Variants in ERC1 observed in about 807,000 individuals in gnomAD.
ERC1 encodes RAB6 interacting protein 2.
In ERC1, 56 loss-of-function variants were observed where a neutral mutation model predicts 132.0. That is an observed-to-expected ratio of 0.42 (90% CI 0.34 to 0.53). ERC1 has a LOEUF of 0.53. Among genes scored for constraint, ERC1 ranks in the 20% least tolerant of loss-of-function variants. The pLI, the probability that ERC1 is intolerant of heterozygous loss-of-function variation, is 0.03. For synonymous variants in ERC1, 478 were observed against 476.1 expected (o/e 1.00, Z -0.05); for missense variants, 1,202 against 1,349.9 (o/e 0.89, Z 1.72).
At chr12:1,310,239 A>G (rs60222319) in intron 15 of ERC1, among the ~76,000 whole-genome samples, 54,828 of 149,664 alleles carry the variant, frequency 0.37, 10,274 homozygotes, top group Middle Eastern at 0.45. Context: ...ATTTTATTTT[A>G]TTTTGAGGAA....
At chr12:1,188,265 G>C (rs2968900) in intron 11 of ERC1, among the ~76,000 whole-genome samples, 46,899 of 151,686 alleles carry the variant, frequency 0.31, 7,626 homozygotes, top group Middle Eastern at 0.38. Flanking sequence ...CAATCTCTTC[G>C]CCTTTGTTGT....
intron 15 of ERC1, among the ~76,000 whole-genome samples, chr12:1,306,102 GA>G (rs889637561): frequency 4.6e-4 from 70 of 151,184 alleles, no homozygotes; most frequent in African/African-American, 1.2e-3. Flanking sequence ...ATACTTTAAA[GA>G]AAAAAAAACC....
chr12:1,447,265 C>T (rs941127264), intron 18 of ERC1, among the ~76,000 whole-genome samples: 5 of 152,098 alleles, frequency 3.3e-5, no homozygotes, highest in Non-Finnish European at 7.4e-5. Context: ...CACCTGTAAT[C>T]CCGGCATTTT....
intron 8 of ERC1, among the ~76,000 whole-genome samples, chr12:1,144,776 C>T (rs1260878990): frequency 6.6e-6 from 1 of 151,422 alleles, no homozygotes; most frequent in Admixed American, 6.6e-5. Context: ...GTGTCTTTTT[C>T]GTATAATGCC....
chr12:1,287,895 C>A (rs1252102960), intron 14 of ERC1, among the ~76,000 whole-genome samples: 1 of 152,160 alleles, frequency 6.6e-6, no homozygotes, highest in East Asian at 1.9e-4. Flanking sequence ...ACAGACAATA[C>A]CAAGCATTTA....
intron 17 of ERC1, among the ~76,000 whole-genome samples, chr12:1,412,310 A>C (rs181296975): frequency 6.6e-6 from 1 of 152,360 alleles, no homozygotes; most frequent in Admixed American, 6.5e-5. Context: ...TGTGTTTTGC[A>C]TCTGAAACAT....
intron 13 of ERC1, among the ~76,000 whole-genome samples, chr12:1,242,535 G>A (rs991795775): frequency 6.6e-6 from 1 of 152,158 alleles, no homozygotes; most frequent in African/African-American, 2.4e-5. Context: ...GATGAAAAAA[G>A]TATTAGCAAA....
chr12:1,148,381 A>C (rs1196373584), intron 8 of ERC1, among the ~76,000 whole-genome samples: 1 of 151,750 alleles, frequency 6.6e-6, no homozygotes, highest in Non-Finnish European at 1.5e-5. Flanking sequence ...AGAGACAGAC[A>C]CACACACACA....
intron 16 of ERC1, among the ~76,000 whole-genome samples, chr12:1,400,559 C>T (rs2090934432): frequency 6.6e-6 from 1 of 152,112 alleles, no homozygotes; most frequent in African/African-American, 2.4e-5. Flanking sequence ...TTAGCTCTTC[C>T]ATTTAGCTCT....
At chr12:1,155,314 CAA>C (rs151006544) in intron 8 of ERC1, among the ~76,000 whole-genome samples, 923 of 55,026 alleles carry the variant, frequency 0.017, 3 homozygotes, top group African/African-American at 0.039. Flanking sequence ...GACTTCATCT[CAA>C]AAAAAAAAAA....
rs1280826999 is a variant in ERC1 at position 1,490,134 on chromosome 12, A to G, written c.3255A>G (p.Glu1085=). The change falls in exon 19 of 19, where the codon GAA becomes GAG. Residue 1085 remains glutamate, a synonymous_variant. Coordinates refer to ENST00000360905, the MANE Select transcript of ERC1 (RefSeq NM_178040.4). ...AGAAAGGTGAACGGGACAATGCAGA[A>G]CTGCAGGAGTTTGCCAACGCCATTC... is the stretch of plus-strand genomic sequence containing the variant. ...ELEKGERDNA[E]LQEFANAILQ... The G allele has an allele frequency of 5.6e-6, 9 of 1,614,076 alleles. No homozygotes were observed. The highest frequency in any genetic ancestry group is 2.7e-5 in the African/African-American group (2 of 74,932).
chr12:1,444,848 G>A, intron 18 of ERC1, 98 bp downstream of exon 18: 1 of 1,104,844 alleles, frequency 9.1e-7, no homozygotes, highest in East Asian at 2.4e-5. Flanking sequence ...CAGTTGCCGT[G>A]TAGTTGATGC....
intron 7 of ERC1, among the ~76,000 whole-genome samples, chr12:1,125,392 A>G (rs1220272465): frequency 6.6e-6 from 1 of 152,104 alleles, no homozygotes; most frequent in Non-Finnish European, 1.5e-5. Flanking sequence ...CTAATACTCT[A>G]CCCAAGGATA....
intron 7 of ERC1, among the ~76,000 whole-genome samples, chr12:1,137,296 A>G (rs1479804724): frequency 6.6e-6 from 1 of 150,438 alleles, no homozygotes; most frequent in African/African-American, 2.4e-5. Flanking sequence ...ATGGGGTTTC[A>G]CCATGTTGGC....
intron 15 of ERC1, among the ~76,000 whole-genome samples, chr12:1,298,771 GA>G (rs536281146): frequency 8.3e-5 from 12 of 144,736 alleles, no homozygotes; most frequent in African/African-American, 1.0e-4. Flanking sequence ...TACTAGATTA[GA>G]AAAAAAAAAG....
intron 2 of ERC1, among the ~76,000 whole-genome samples, chr12:1,054,895 A>G (rs528487550): frequency 3.3e-5 from 5 of 152,200 alleles, no homozygotes; most frequent in Admixed American, 1.3e-4. Context: ...TTTTATAAAC[A>G]TGAATTTCTG....
intron 2 of ERC1, among the ~76,000 whole-genome samples, chr12:1,069,412 A>G (rs963138949): frequency 6.6e-6 from 1 of 152,242 alleles, no homozygotes; most frequent in East Asian, 1.9e-4. Context: ...CTTGAGAGAA[A>G]CTTTTACCCA....
chr12:1,448,322 A>G (rs1327090363), intron 18 of ERC1, among the ~76,000 whole-genome samples: 1 of 152,240 alleles, frequency 6.6e-6, no homozygotes, highest in Non-Finnish European at 1.5e-5. Context: ...TGGGTCATCT[A>G]CAGAGGAATA....
chr12:1,003,602 A>T lies in ERC1; in HGVS notation c.-157+12280A>T, dbSNP rs143254594. On this transcript the variant is annotated intron_variant, in intron 1 of 18. Coordinates refer to ENST00000360905, the MANE Select transcript of ERC1 (RefSeq NM_178040.4). ...TTCTGGCATGTTGTTGAATAGAGAT[A>T]GGAGACGTCATTGTCTTTTCCCATC... is the stretch of plus-strand genomic sequence containing the variant. Among the ~76,000 whole-genome samples the T allele has an allele frequency of 2.0e-5, 3 of 152,210 alleles. 1 individual carries two copies. Among genetic ancestry groups the T allele is most frequent in the African/African-American group, 7.2e-5 (3 of 41,452 alleles).
Sources: gnomAD v4.1 joint callset for allele counts (sites outside exome capture counted in the v4.1 genomes callset) on GRCh38, gnomAD v4.1.1 for gene constraint, MANE v1.5 for transcripts, NCBI Gene and HGNC (gene_info 2026-07-23, HGNC 2026-07-21) for gene names.